Variants in TNKS observed in about 807,000 individuals in gnomAD.
TNKS encodes poly [ADP-ribose] polymerase tankyrase-1.
TNKS carries 72 observed loss-of-function variants against 135.8 expected under a neutral mutation model. The ratio of observed to expected loss-of-function variants is 0.53; its 90% CI spans 0.44 to 0.64. The LOEUF is 0.64. TNKS is among the 30% of genes least tolerant of loss of function. TNKS has a pLI of 0.00. For missense variants in TNKS, 1,769 were observed against 1,674.0 expected, an observed-to-expected ratio of 1.06 and a Z score of -0.99; for synonymous variants, 849 against 649.3, an observed-to-expected ratio of 1.31 and a Z score of -4.68.
At chr8:9,627,540 ATTGCTTGCTTGC>A (rs36130596) in intron 3 of TNKS, among the ~76,000 whole-genome samples, 15,709 of 148,248 alleles carry the variant, frequency 0.11, 933 homozygotes, top group South Asian at 0.17. Flanking sequence ...CTGTGGCAAA[ATTGCTTGCTTGC>A]TTGCTTGCTT....
intron 1 of TNKS, among the ~76,000 whole-genome samples, chr8:9,560,114 A>T (rs1350447216): frequency 6.6e-6 from 1 of 152,170 alleles, no homozygotes; most frequent in East Asian, 1.9e-4. Context: ...AAATAGTACC[A>T]ATTTAGAGTG....
intron 3 of TNKS, among the ~76,000 whole-genome samples, chr8:9,662,953 T>A (rs1801795303): frequency 6.6e-6 from 1 of 152,224 alleles, no homozygotes; most frequent in African/African-American, 2.4e-5. Context: ...CGGATGTGAT[T>A]AAGTTAATCT....
chr8:9,676,686 C>CTGTG (rs147459978), intron 3 of TNKS, among the ~76,000 whole-genome samples: 29,304 of 147,412 alleles, frequency 0.2, 2,913 homozygotes, highest in South Asian at 0.26. Context: ...CTCTCTCTCT[C>CTGTG]TGTGTGTGTG....
rs1807331885 is a variant in TNKS at position 9,764,720 on chromosome 8, A to G, written c.3377A>G (p.Gln1126Arg). The G allele has an allele frequency of 1.3e-6, 2 of 1,595,308 alleles. No individual in the cohort carries two copies. The highest frequency in any genetic ancestry group is 1.4e-5 in the African/African-American group (1 of 73,890). The part of the protein sequence containing the change: ...KEYQSVEEEM[Q>R]STIREHRDGG... ...ATTAGTTATTTTGTTCTGTAGATGC[A>G]AAGTACTATTCGAGAACACAGAGAT... is the stretch of plus-strand genomic sequence containing the variant. The change falls in exon 23 of 27, where the codon CAA becomes CGA. Residue 1126 changes from glutamine (Q) to arginine (R), a missense_variant. Physicochemically the swap from Gln to Arg is conservative, Grantham distance 43 (BLOSUM62 1). This residue lies in a region of TNKS where 722 missense variants were observed against 688.9 expected (regional missense o/e 1.05). Coordinates refer to ENST00000310430, the MANE Select transcript of TNKS (RefSeq NM_003747.3).
intron 4 of TNKS, among the ~76,000 whole-genome samples, chr8:9,680,244 C>A (rs1054009930): frequency 1.3e-5 from 2 of 152,032 alleles, no homozygotes; most frequent in Non-Finnish European, 2.9e-5. Flanking sequence ...GCTTTTCCAG[C>A]GATATTCTTG....
At chr8:9,748,848 T>C (rs1178899549) in intron 18 of TNKS, among the ~76,000 whole-genome samples, 1 of 152,236 alleles carries the variant, frequency 6.6e-6, no homozygotes, top group Non-Finnish European at 1.5e-5. Flanking sequence ...TCTTCTGGTC[T>C]TACCTGGGGT....
At chr8:9,618,302 A>G (rs1020947214) in intron 3 of TNKS, among the ~76,000 whole-genome samples, 3 of 152,162 alleles carry the variant, frequency 2.0e-5, no homozygotes, top group South Asian at 2.1e-4. Context: ...ATAAGAATGC[A>G]TGTTTTTTAA....
intron 26 of TNKS, among the ~76,000 whole-genome samples, chr8:9,771,033 C>G (rs575600118): frequency 2.0e-5 from 3 of 152,018 alleles, no homozygotes; most frequent in African/African-American, 7.2e-5. Flanking sequence ...TTACTATGAT[C>G]TCATGGTTTC....
intron 2 of TNKS, among the ~76,000 whole-genome samples, chr8:9,611,222 C>G (rs570805330): frequency 2.0e-5 from 3 of 152,304 alleles, no homozygotes; most frequent in South Asian, 2.1e-4. Flanking sequence ...AAATCACTTA[C>G]TCTCTGGAAT....
At chr8:9,768,977 A>G (rs1361351372) in intron 25 of TNKS, among the ~76,000 whole-genome samples, 2 of 152,252 alleles carry the variant, frequency 1.3e-5, no homozygotes, top group African/African-American at 2.4e-5. Flanking sequence ...CTCCATTACT[A>G]AAAACAATTT....
chr8:9,718,071 A>G (rs550813302), intron 11 of TNKS, among the ~76,000 whole-genome samples: 3 of 152,256 alleles, frequency 2.0e-5, no homozygotes, highest in South Asian at 4.1e-4. Context: ...GAAAAGCAAG[A>G]TCTTTGTATT....
intron 13 of TNKS, among the ~76,000 whole-genome samples, chr8:9,728,948 A>G (rs560093208): frequency 1.3e-5 from 2 of 152,198 alleles, no homozygotes; most frequent in South Asian, 4.1e-4. Flanking sequence ...ATAAAAAAAT[A>G]CCATAGACTG....
At chr8:9,742,670 C>G (rs1353240541) in intron 17 of TNKS, among the ~76,000 whole-genome samples, 1 of 149,608 alleles carries the variant, frequency 6.7e-6, no homozygotes, top group East Asian at 1.9e-4. Context: ...CCAGCCTGGG[C>G]GACATAGTGA....
intron 3 of TNKS, among the ~76,000 whole-genome samples, chr8:9,631,144 T>C (rs1005810697): frequency 1.3e-5 from 2 of 152,212 alleles, no homozygotes; most frequent in Admixed American, 1.3e-4. Flanking sequence ...ATTTCAAATA[T>C]CTCATCTAAC....
At position 9,635,385 on chromosome 8, in the gene TNKS, C is replaced by G. The variant is rs1055128431; in HGVS notation, c.994+19708C>G. ...ATGAACGAATGGGGAGGGACACTTTCTTACTGTAGAATGCCTACTAATCAA... is the reference window on the plus strand; with the variant it reads ...ATGAACGAATGGGGAGGGACACTTTGTTACTGTAGAATGCCTACTAATCAA... On this transcript the variant is annotated intron_variant, in intron 3 of 26. Transcript: ENST00000310430. Among the ~76,000 whole-genome samples the G allele has an allele frequency of 2.8e-4, 42 of 152,112 alleles. 1 individual carries two copies. The highest frequency in any genetic ancestry group is 2.9e-5 in the Non-Finnish European group (2 of 67,998).
At chr8:9,601,137 C>T (rs1268710776) in intron 2 of TNKS, among the ~76,000 whole-genome samples, 2 of 152,106 alleles carry the variant, frequency 1.3e-5, no homozygotes, top group Non-Finnish European at 2.9e-5. Context: ...AATACTAAAA[C>T]AGTGTAGAAA....
At chr8:9,605,382 A>G (rs1799176472) in intron 2 of TNKS, among the ~76,000 whole-genome samples, 1 of 152,042 alleles carries the variant, frequency 6.6e-6, no homozygotes. Flanking sequence ...TGACTGAGCT[A>G]TAGTTTGCTT....
chr8:9,590,959 G>A (rs992363275), intron 2 of TNKS, among the ~76,000 whole-genome samples: 1 of 152,078 alleles, frequency 6.6e-6, no homozygotes, highest in Non-Finnish European at 1.5e-5. Context: ...TTGTGCTTTG[G>A]TATCTTATCT....
At chr8:9,698,949 A>C (rs1803661657) in intron 5 of TNKS, among the ~76,000 whole-genome samples, 1 of 152,236 alleles carries the variant, frequency 6.6e-6, no homozygotes, top group African/African-American at 2.4e-5. Flanking sequence ...GATAAGATTT[A>C]TCTTACAGCA....
Sources: gnomAD v4.1 joint callset for allele counts (sites outside exome capture counted in the v4.1 genomes callset) on GRCh38, gnomAD v4.1.1 for gene constraint, gnomAD v4.1.1 regional missense constraint, MANE v1.5 for transcripts, NCBI Gene and HGNC (gene_info 2026-07-23, HGNC 2026-07-21) for gene names.